Variants in SPMIP11 observed in about 807,000 individuals in gnomAD.
SPMIP11 encodes the protein sperm microtubule inner protein 11.
the SPMIP11 span, chr12:48,768,037 C>A: frequency 6.3e-6 from 1 of 158,226 alleles, no homozygotes; most frequent in Non-Finnish European, 1.4e-5. Context: ...AGAGCTTCTC[C>A]CTCCTCTGCT....
chr12:48,753,290 A>G, the SPMIP11 span, among the ~76,000 whole-genome samples: 1 of 152,218 alleles, frequency 6.6e-6, no homozygotes, highest in African/African-American at 2.4e-5. Flanking sequence ...CTCTAGCCAC[A>G]GACATGCTGA....
chr12:48,765,272 G>A, the SPMIP11 span, among the ~76,000 whole-genome samples: 10 of 152,104 alleles, frequency 6.6e-5, no homozygotes, highest in African/African-American at 2.4e-4. Context: ...TGCCTTCGTC[G>A]CTACCTCTCC....
At chr12:48,736,331 A>C in the SPMIP11 span, among the ~76,000 whole-genome samples, 1 of 151,156 alleles carries the variant, frequency 6.6e-6, no homozygotes, top group South Asian at 2.1e-4. Flanking sequence ...AGGATTGCTT[A>C]AGCCCGGGAG....
chr12:48,748,269 C>A, the SPMIP11 span, among the ~76,000 whole-genome samples: 1 of 152,112 alleles, frequency 6.6e-6, no homozygotes, highest in Admixed American at 6.6e-5. Context: ...GCTCCTAAAA[C>A]TATCATCTTC....
the SPMIP11 span, among the ~76,000 whole-genome samples, chr12:48,760,318 C>A: frequency 6.6e-6 from 1 of 151,622 alleles, no homozygotes; most frequent in East Asian, 1.9e-4. Flanking sequence ...GGACTACAGG[C>A]ATGCACCACC....
At chr12:48,758,699 C>T in the SPMIP11 span, among the ~76,000 whole-genome samples, 18 of 152,304 alleles carry the variant, frequency 1.2e-4, no homozygotes, top group South Asian at 2.1e-4. Context: ...ACCCAGCACT[C>T]GAGGCTCCAA....
the SPMIP11 span, among the ~76,000 whole-genome samples, chr12:48,769,916 C>T: frequency 6.6e-6 from 1 of 151,980 alleles, no homozygotes; most frequent in Non-Finnish European, 1.5e-5. Flanking sequence ...CGCCCACCAC[C>T]ACACCCGGCT....
chr12:48,761,690 A>G, the SPMIP11 span, among the ~76,000 whole-genome samples: 13 of 148,956 alleles, frequency 8.7e-5, no homozygotes, highest in African/African-American at 3.2e-4. Context: ...TAAACATCAC[A>G]TAGCGTATGA....
the SPMIP11 span, among the ~76,000 whole-genome samples, chr12:48,748,723 G>A: frequency 6.6e-6 from 1 of 152,002 alleles, no homozygotes; most frequent in Admixed American, 6.6e-5. Context: ...CACATAATGA[G>A]TTGCCTTCTA....
the SPMIP11 span, among the ~76,000 whole-genome samples, chr12:48,727,757 GAC>G: frequency 6.6e-6 from 1 of 152,134 alleles, no homozygotes. Flanking sequence ...TCCTTATTAA[GAC>G]ACACAATTTG....
the SPMIP11 span, among the ~76,000 whole-genome samples, chr12:48,736,991 C>T: frequency 1.3e-5 from 2 of 151,684 alleles, no homozygotes; most frequent in African/African-American, 4.8e-5. Flanking sequence ...GCTCTGTCGC[C>T]CATGCTGGAG....
At chr12:48,732,662 C>T in the SPMIP11 span, among the ~76,000 whole-genome samples, 2 of 151,554 alleles carry the variant, frequency 1.3e-5, no homozygotes, top group African/African-American at 4.9e-5. Context: ...CTCAGCTACT[C>T]GGGAGGCTGA....
the SPMIP11 span, among the ~76,000 whole-genome samples, chr12:48,733,595 A>T: frequency 1.3e-5 from 2 of 152,072 alleles, no homozygotes; most frequent in African/African-American, 4.8e-5. Flanking sequence ...GAAGAGAATC[A>T]TCCCCTTGTC....
the SPMIP11 span, chr12:48,768,243 G>A: frequency 1.1e-5 from 4 of 373,258 alleles, no homozygotes; most frequent in African/African-American, 2.1e-5. Context: ...GACAGACAGG[G>A]AAGGGTAGGC....
chr12:48,758,944 A>G, the SPMIP11 span, among the ~76,000 whole-genome samples: 13 of 152,342 alleles, frequency 8.5e-5, no homozygotes, highest in Admixed American at 7.2e-4. Flanking sequence ...GTATGTGTCC[A>G]ATATCCTGAT....
the SPMIP11 span, chr12:48,768,694 AC>A: frequency 6.2e-7 from 1 of 1,614,092 alleles, no homozygotes; most frequent in Non-Finnish European, 8.5e-7. Context: ...GGCAGCTAGA[AC>A]CTGGTACAGG....
At chr12:48,734,131 G>T in the SPMIP11 span, among the ~76,000 whole-genome samples, 1 of 151,864 alleles carries the variant, frequency 6.6e-6, no homozygotes, top group Non-Finnish European at 1.5e-5. Context: ...TAGAGACAGG[G>T]TCTTGCTCTG....
chr12:48,751,727 C>CCTTATTGTAGAGA, the SPMIP11 span, among the ~76,000 whole-genome samples: 2 of 151,944 alleles, frequency 1.3e-5, no homozygotes, highest in African/African-American at 2.4e-5. Flanking sequence ...ATAATGTCTG[C>CCTTATTGTAGAGA]CTTATTGTAG....
At chr12:48,750,401 A>G in the SPMIP11 span, among the ~76,000 whole-genome samples, 1 of 152,292 alleles carries the variant, frequency 6.6e-6, no homozygotes, top group South Asian at 2.1e-4. Context: ...TTTACCAATG[A>G]CTCACATATT....
Sources: allele counts gnomAD v4.1 joint callset (sites outside exome capture counted in the v4.1 genomes callset), GRCh38; gene constraint gnomAD v4.1.1; transcripts MANE v1.5; gene names NCBI Gene and HGNC (gene_info 2026-07-23, HGNC 2026-07-21).